ZNF385B: variants seen among roughly 807,000 people sequenced by gnomAD.
The protein encoded by ZNF385B is zinc finger protein 385B, also known as zinc finger protein 533.
A neutral mutation model predicts 39.2 loss-of-function variants in ZNF385B; 23 were observed. That is an observed-to-expected ratio of 0.59 (90% confidence interval 0.42 to 0.83). The LOEUF is 0.83. Ranked by LOEUF, ZNF385B falls within the 40% of genes least tolerant of loss-of-function variation. ZNF385B has a pLI of 0.00. For synonymous variants in ZNF385B, 205 were observed against 222.6 expected (o/e 0.92, Z 0.70); for missense variants, 552 against 598.9 (o/e 0.92, Z 0.82).
chr2:179,640,668 G>A (rs1249120156), intron 3 of ZNF385B, among the ~76,000 whole-genome samples: 2 of 152,104 alleles, frequency 1.3e-5, no homozygotes, highest in African/African-American at 4.8e-5. Context: ...AAATTGCTAA[G>A]TGGAAAGAAT....
At chr2:179,665,695 C>T (rs1559056624) in intron 3 of ZNF385B, among the ~76,000 whole-genome samples, 2 of 152,214 alleles carry the variant, frequency 1.3e-5, no homozygotes, top group Non-Finnish European at 2.9e-5. Context: ...CCAGACAGAG[C>T]ACCAGCTCCC....
chr2:179,855,679 A>G (rs1684536949), intron 1 of ZNF385B, among the ~76,000 whole-genome samples: 1 of 152,196 alleles, frequency 6.6e-6, no homozygotes, highest in Non-Finnish European at 1.5e-5. Context: ...CTTGAAACTG[A>G]CCAGGGTGGG....
chr2:179,710,897 T>C (rs967091115), intron 3 of ZNF385B, among the ~76,000 whole-genome samples: 1 of 152,222 alleles, frequency 6.6e-6, no homozygotes. Flanking sequence ...GTACTTAGTA[T>C]AATGACCCTC....
intron 1 of ZNF385B, among the ~76,000 whole-genome samples, chr2:179,796,867 G>T (rs1027521428): frequency 3.3e-5 from 5 of 152,162 alleles, no homozygotes; most frequent in Non-Finnish European, 5.9e-5. Context: ...TCTACCAGCT[G>T]TGTCTTGGTT....
chr2:179,831,206 T>C (rs529650072), intron 1 of ZNF385B, among the ~76,000 whole-genome samples: 2 of 152,344 alleles, frequency 1.3e-5, no homozygotes, highest in African/African-American at 4.8e-5. Flanking sequence ...ATAATGATGA[T>C]AGATAATAGT....
At chr2:179,639,687 G>T (rs1295205618) in intron 3 of ZNF385B, among the ~76,000 whole-genome samples, 1 of 152,094 alleles carries the variant, frequency 6.6e-6, no homozygotes, top group Non-Finnish European at 1.5e-5. Flanking sequence ...AAAAGTAATG[G>T]TAGAAACAGA....
At chr2:179,492,874 C>A (rs2055398064) in intron 5 of ZNF385B, among the ~76,000 whole-genome samples, 1 of 152,034 alleles carries the variant, frequency 6.6e-6, no homozygotes, top group Non-Finnish European at 1.5e-5. Flanking sequence ...AGTCGCTTAG[C>A]CCATCTGAGT....
At chr2:179,652,846 C>CA (rs10653511) in intron 3 of ZNF385B, among the ~76,000 whole-genome samples, 67,499 of 140,388 alleles carry the variant, frequency 0.48, 18,019 homozygotes, top group Non-Finnish European at 0.6. Flanking sequence ...AGCAAAGCAC[C>CA]AAAAAAAAAA....
intron 1 of ZNF385B, among the ~76,000 whole-genome samples, chr2:179,812,712 A>C (rs1318791037): frequency 6.6e-6 from 1 of 152,192 alleles, no homozygotes; most frequent in South Asian, 2.1e-4. Context: ...TAAAGACCTT[A>C]CTGAATGACT....
chr2:179,556,923 A>G (rs1290039265), intron 3 of ZNF385B, among the ~76,000 whole-genome samples: 2 of 149,402 alleles, frequency 1.3e-5, no homozygotes, highest in Non-Finnish European at 3.0e-5. Context: ...ATAGCATGCT[A>G]AAGACCTAAC....
intron 3 of ZNF385B, among the ~76,000 whole-genome samples, chr2:179,607,457 G>A (rs1688905658): frequency 6.6e-6 from 1 of 152,082 alleles, no homozygotes; most frequent in Admixed American, 6.6e-5. Flanking sequence ...TTCACCTTCT[G>A]CTGCCATGAT....
At chr2:179,857,207 C>A (rs1252719996) in intron 1 of ZNF385B, among the ~76,000 whole-genome samples, 2 of 152,172 alleles carry the variant, frequency 1.3e-5, no homozygotes, top group African/African-American at 4.8e-5. Flanking sequence ...TACTACAGAA[C>A]TCGGTAAAAT....
At chr2:179,796,018 C>G (rs1705640011) in intron 1 of ZNF385B, among the ~76,000 whole-genome samples, 1 of 152,060 alleles carries the variant, frequency 6.6e-6, no homozygotes, top group African/African-American at 2.4e-5. Context: ...GAGGGTTTAA[C>G]TTGACTATGC....
intron 3 of ZNF385B, among the ~76,000 whole-genome samples, chr2:179,727,872 G>T (rs538134559): frequency 1.3e-5 from 2 of 152,172 alleles, no homozygotes; most frequent in East Asian, 3.9e-4. Flanking sequence ...GAGGCAGCAG[G>T]TTTTCACTGG....
At chr2:179,765,000 C>A (rs1703605327) in intron 3 of ZNF385B, among the ~76,000 whole-genome samples, 2 of 152,176 alleles carry the variant, frequency 1.3e-5, no homozygotes, top group Admixed American at 1.3e-4. Context: ...ATCAATTCTT[C>A]TGAATCTCAT....
At chr2:179,729,774 G>A (rs555549966) in intron 3 of ZNF385B, among the ~76,000 whole-genome samples, 2 of 152,098 alleles carry the variant, frequency 1.3e-5, no homozygotes, top group Non-Finnish European at 2.9e-5. Flanking sequence ...TCATGGGGGC[G>A]GTTCCCCCAA....
At chr2:179,612,149 T>A (rs998942370) in intron 3 of ZNF385B, among the ~76,000 whole-genome samples, 1 of 152,200 alleles carries the variant, frequency 6.6e-6, no homozygotes, top group African/African-American at 2.4e-5. Context: ...TTCATTGAGT[T>A]TCTTCAAAAC....
intron 1 of ZNF385B, among the ~76,000 whole-genome samples, chr2:179,836,334 C>T (rs1488893681): frequency 6.6e-6 from 1 of 152,098 alleles, no homozygotes; most frequent in Admixed American, 6.5e-5. Context: ...CTTCATAGAC[C>T]CACAGTGTTA....
intron 1 of ZNF385B, among the ~76,000 whole-genome samples, chr2:179,817,198 T>C (rs1353844399): frequency 2.0e-5 from 3 of 152,192 alleles, no homozygotes; most frequent in African/African-American, 7.2e-5. Context: ...TGCATAGTGT[T>C]TATTATTATA....
Sources: gnomAD v4.1 joint callset for allele counts (sites outside exome capture counted in the v4.1 genomes callset) on GRCh38, gnomAD v4.1.1 for gene constraint, MANE v1.5 for transcripts, NCBI Gene and HGNC (gene_info 2026-07-23, HGNC 2026-07-21) for gene names.